The following DCAF6 variants were observed in gnomAD, a reference collection of about 807,000 sequenced individuals.
DCAF6 encodes the protein DDB1 and CUL4 associated factor 6.
A neutral mutation model predicts 125.1 loss-of-function variants in DCAF6; 54 were observed. The ratio of observed to expected loss-of-function variants is 0.43; its 90% CI spans 0.35 to 0.54. The LOEUF is 0.54. Among genes scored for constraint, DCAF6 ranks in the 20% least tolerant of loss-of-function variants. DCAF6 has a pLI of 0.01. For synonymous variants in DCAF6, 371 were observed against 390.4 expected (o/e 0.95, Z 0.58); for missense variants, 934 against 1,161.7 (o/e 0.80, Z 2.85).
chr1:167,992,173 A>G (rs942379166), intron 6 of DCAF6, among the ~76,000 whole-genome samples: 53 of 151,886 alleles, frequency 3.5e-4, no homozygotes, highest in Non-Finnish European at 3.4e-4. Flanking sequence ...TTCACTCACT[A>G]TAGGATCAAA....
intron 5 of DCAF6, among the ~76,000 whole-genome samples, chr1:167,990,619 T>C (rs1314598333): frequency 6.6e-6 from 1 of 152,220 alleles, no homozygotes; most frequent in Non-Finnish European, 1.5e-5. Flanking sequence ...AATTGTATTA[T>C]AACATTGTAT....
the DCAF6 span, among the ~76,000 whole-genome samples, chr1:167,891,482 C>G: frequency 6.6e-6 from 1 of 151,564 alleles, no homozygotes; most frequent in Non-Finnish European, 1.5e-5. Context: ...CGGTGAAACC[C>G]TGTCTCTACT....
At chr1:167,940,364 C>CT (rs1275649485) in intron 1 of DCAF6, among the ~76,000 whole-genome samples, 1 of 151,832 alleles carries the variant, frequency 6.6e-6, no homozygotes, top group Non-Finnish European at 1.5e-5. Flanking sequence ...ATGTAGGATT[C>CT]TTTTTTTTGG....
chr1:168,019,533 T>C, intron 11 of DCAF6: 1 of 456,020 alleles, frequency 2.2e-6, no homozygotes. Flanking sequence ...CAACTCTTTT[T>C]TTCCATTTCA....
intron 18 of DCAF6, among the ~76,000 whole-genome samples, chr1:168,065,096 C>T (rs1692157341): frequency 6.6e-6 from 1 of 152,114 alleles, no homozygotes; most frequent in Non-Finnish European, 1.5e-5. Context: ...ATGTAAATTG[C>T]CATTATACTG....
chr1:167,997,186 T>C lies in DCAF6; in HGVS notation c.903+3746T>C, dbSNP rs112271647. On this transcript the variant is annotated intron_variant, in intron 7 of 21. Transcript: ENST00000367840. ...TATTTCACATACTCAGAAAGTCAAA[T>C]TTGAGATTGTTTTTAATTTGAAGAT... Among the ~76,000 whole-genome samples the C allele has an allele frequency of 2.9e-3, 448 of 152,296 alleles. 1 individual carries two copies. Among genetic ancestry groups the C allele is most frequent in the African/African-American group, 0.01 (426 of 41,554 alleles).
the DCAF6 span, among the ~76,000 whole-genome samples, chr1:167,865,077 A>G: frequency 6.6e-6 from 1 of 152,218 alleles, no homozygotes; most frequent in African/African-American, 2.4e-5. Flanking sequence ...GTTATAAAAA[A>G]TTTATGCAAA....
At chr1:167,955,066 G>C (rs1674571519) in intron 2 of DCAF6, among the ~76,000 whole-genome samples, 1 of 151,984 alleles carries the variant, frequency 6.6e-6, no homozygotes, top group Admixed American at 6.6e-5. Flanking sequence ...ATTTTACTTA[G>C]AATAATTATT....
At chr1:167,942,541 GT>G (rs1419736018) in intron 1 of DCAF6, among the ~76,000 whole-genome samples, 1 of 152,054 alleles carries the variant, frequency 6.6e-6, no homozygotes, top group Non-Finnish European at 1.5e-5. Context: ...TTTTCTGTCA[GT>G]TTATGTCTTT....
intron 6 of DCAF6, among the ~76,000 whole-genome samples, chr1:167,992,596 A>C (rs1420873210): frequency 6.6e-6 from 1 of 152,234 alleles, no homozygotes; most frequent in Non-Finnish European, 1.5e-5. Context: ...GAGCATGATA[A>C]GACTTCATTT....
intron 10 of DCAF6, among the ~76,000 whole-genome samples, chr1:168,008,579 A>G (rs1192490861): frequency 1.3e-5 from 2 of 152,128 alleles, no homozygotes; most frequent in Non-Finnish European, 2.9e-5. Context: ...GTATTTTAAC[A>G]TGTTAAATCA....
At chr1:168,069,804 T>C (rs1048710906) in intron 21 of DCAF6, among the ~76,000 whole-genome samples, 1 of 152,214 alleles carries the variant, frequency 6.6e-6, no homozygotes, top group Non-Finnish European at 1.5e-5. Context: ...AATGTTTTTG[T>C]GATCTTCTTT....
chr1:168,062,616 T>A (rs1558047200), intron 17 of DCAF6, among the ~76,000 whole-genome samples: 1 of 152,112 alleles, frequency 6.6e-6, no homozygotes, highest in Non-Finnish European at 1.5e-5. Context: ...TCTGTTTTTC[T>A]TACTGATTTG....
chr1:168,003,858 A>G lies in DCAF6; in HGVS notation c.998-12A>G, dbSNP rs374535779. 3.5e-5 allele frequency: 56 copies of G among 1,607,248 alleles called. No individual in the cohort carries two copies. The highest frequency in any genetic ancestry group is 2.9e-4 in the African/African-American group (22 of 74,726). ...ATTACTAAACTCACTGATAAGACCTATATTGTAATAGGAGAGCAGAGTCCC... is the reference window on the plus strand; with the variant it reads ...ATTACTAAACTCACTGATAAGACCTGTATTGTAATAGGAGAGCAGAGTCCC... On this transcript the variant is annotated splice_polypyrimidine_tract_variant and intron_variant, in intron 8 of 21. Transcript: ENST00000367840.
At chr1:167,876,215 C>G in the DCAF6 span, among the ~76,000 whole-genome samples, 10 of 150,324 alleles carry the variant, frequency 6.7e-5, no homozygotes, top group Non-Finnish European at 8.8e-5. Context: ...CAAGATCACG[C>G]CATTGCATTC....
At chr1:167,971,944 C>T (rs1166940800) in intron 3 of DCAF6, among the ~76,000 whole-genome samples, 1 of 152,154 alleles carries the variant, frequency 6.6e-6, no homozygotes, top group African/African-American at 2.4e-5. Flanking sequence ...CAACCTCCAC[C>T]TCCCGGGTTC....
chr1:167,909,539 T>A, the DCAF6 span, among the ~76,000 whole-genome samples: 1 of 149,932 alleles, frequency 6.7e-6, no homozygotes, highest in Non-Finnish European at 1.5e-5. Context: ...CTTAAAACAT[T>A]ATGAGATTTT....
intron 4 of DCAF6, among the ~76,000 whole-genome samples, chr1:167,978,857 A>G (rs1277023493): frequency 5.3e-5 from 8 of 152,008 alleles, no homozygotes; most frequent in Admixed American, 4.6e-4. Context: ...GGGCCTTGCT[A>G]TCTTACCCAG....
chr1:167,916,953 T>C, the DCAF6 span: 2 of 152,202 alleles, frequency 1.3e-5, no homozygotes, highest in East Asian at 1.9e-4. Flanking sequence ...TGGTAGGCCA[T>C]GGTTAAGGGA....
Sources: allele counts gnomAD v4.1 joint callset (sites outside exome capture counted in the v4.1 genomes callset), GRCh38; gene constraint gnomAD v4.1.1; transcripts MANE v1.5; gene names NCBI Gene and HGNC (gene_info 2026-07-23, HGNC 2026-07-21).